Variants in TRABD2B observed in about 807,000 individuals in gnomAD.
The protein encoded by TRABD2B is TraB domain containing 2B, also known as metalloprotease TIKI2.
Under a neutral mutation model 40.1 loss-of-function variants are expected in TRABD2B, and 14 were observed. The ratio of observed to expected loss-of-function variants is 0.35; its 90% CI spans 0.23 to 0.55. TRABD2B has a LOEUF of 0.55. Ranked by LOEUF, TRABD2B falls within the 20% of genes least tolerant of loss-of-function variation. The pLI is 0.90. For missense variants in TRABD2B, 541 were observed against 648.6 expected (o/e 0.83, Z 1.80); for synonymous variants, 263 against 277.0 (o/e 0.95, Z 0.50).
chr1:47,810,232 C>T (rs886986629), intron 2 of TRABD2B, among the ~76,000 whole-genome samples: 1 of 151,774 alleles, frequency 6.6e-6, no homozygotes, highest in African/African-American at 2.4e-5. Context: ...AGAGTTGGGG[C>T]CCTGCTCTGT....
At chr1:47,766,423 G>A (rs1428378315) in intron 6 of TRABD2B, among the ~76,000 whole-genome samples, 1 of 152,120 alleles carries the variant, frequency 6.6e-6, no homozygotes, top group Non-Finnish European at 1.5e-5. Flanking sequence ...GTGTTTTGGG[G>A]AGATAGATCT....
At chr1:47,794,829 G>A (rs1644725895) in intron 3 of TRABD2B, 69 bp from the exon 4 acceptor site, 41 of 1,374,870 alleles carry the variant, frequency 3.0e-5, no homozygotes, top group Non-Finnish European at 3.7e-5. Flanking sequence ...GGGTGTTACT[G>A]TCACCCAGGT....
intron 2 of TRABD2B, among the ~76,000 whole-genome samples, chr1:47,831,140 G>A (rs975856716): frequency 1.3e-5 from 2 of 152,216 alleles, no homozygotes; most frequent in South Asian, 4.1e-4. Flanking sequence ...CCATGGCTGG[G>A]GGGTGCCTAT....
chr1:47,989,522 G>A (rs1557698675), intron 2 of TRABD2B, among the ~76,000 whole-genome samples: 2 of 152,190 alleles, frequency 1.3e-5, no homozygotes, highest in African/African-American at 4.8e-5. Flanking sequence ...CAACTGTGCA[G>A]GCTTAGCCTA....
At chr1:47,933,483 C>T (rs754467982) in intron 2 of TRABD2B, among the ~76,000 whole-genome samples, 16 of 152,150 alleles carry the variant, frequency 1.1e-4, no homozygotes, top group Non-Finnish European at 1.6e-4. Context: ...ACATATGAGA[C>T]TATGAAACAA....
At chr1:47,837,013 G>A (rs961245466) in intron 2 of TRABD2B, among the ~76,000 whole-genome samples, 7 of 152,224 alleles carry the variant, frequency 4.6e-5, no homozygotes, top group African/African-American at 1.4e-4. Context: ...GTCCCCCAAA[G>A]CCTGTCATAG....
intron 3 of TRABD2B, among the ~76,000 whole-genome samples, chr1:47,800,380 G>A (rs562355901): frequency 6.6e-6 from 1 of 152,332 alleles, no homozygotes; most frequent in South Asian, 2.1e-4. Flanking sequence ...GTGAGCCATG[G>A]TCATACCTGG....
intron 6 of TRABD2B, among the ~76,000 whole-genome samples, chr1:47,766,971 G>A (rs1001929314): frequency 1.3e-5 from 2 of 152,186 alleles, no homozygotes; most frequent in East Asian, 1.9e-4. Context: ...CCCAGCACAC[G>A]GTGGCCTTGG....
intron 2 of TRABD2B, among the ~76,000 whole-genome samples, chr1:47,968,363 C>T (rs1230052828): frequency 6.6e-6 from 1 of 152,182 alleles, no homozygotes; most frequent in Admixed American, 6.5e-5. Flanking sequence ...TTTACTCCCC[C>T]TACTACTCAA....
rs1430721053 is a variant in TRABD2B, at chr1:47,996,404, G to T, written c.102+284C>A. ...TATGAGAAAGGAGAGACAAAAAGGG[G>T]CAGAGAGAGAGGAGGCGTCCAAGCA... On this transcript the variant is annotated intron_variant, in intron 1 of 6. Transcript: ENST00000606738. This position sits in a 1 kb window ranked among gnomAD's most constrained non-coding sequence, Gnocchi z 4.6. Among the ~76,000 whole-genome samples the T allele has an allele frequency of 6.6e-6, 1 of 152,170 alleles. No homozygotes were observed. Among genetic ancestry groups the T allele is most frequent in the African/African-American group, 2.4e-5 (1 of 41,460 alleles).
In TRABD2B at chr1:47,892,959, G is replaced by A. The variant is rs1570230554; in HGVS notation, c.667-91340C>T. 5.9e-5 allele frequency among the ~76,000 whole-genome samples: 9 copies of A among 152,204 alleles called. 2 individuals are homozygous for A. In the South Asian group the frequency reaches 1.9e-3, roughly 32 times the overall value. ...ACGAGGGCATCCAGAGGAATAGGAA[G>A]AGGAAAAAAGGTAAGCTGGTGGGGA... is the stretch of plus-strand genomic sequence containing the variant. On this transcript the variant is annotated intron_variant, in intron 2 of 6. Coordinates refer to ENST00000606738, the MANE Select transcript of TRABD2B (RefSeq NM_001194986.2).
rs145498942 is a variant in TRABD2B, at chr1:47,964,536, TTG to T, written c.666+29496_666+29497del. 7.1e-3 allele frequency among the ~76,000 whole-genome samples: 1,088 copies of T among 152,306 alleles called. 21 individuals are homozygous for T. The highest frequency in any genetic ancestry group is 0.025 in the African/African-American group (1,054 of 41,566). Reference sequence around the variant, plus strand: ...CAAACCACATCCCTGTCCCAAATGATTGTGTCAAATTGCCAGTCCAGGCTTCT... The same window carrying T: ...CAAACCACATCCCTGTCCCAAATGATTGTCAAATTGCCAGTCCAGGCTTCT... On this transcript the variant is annotated intron_variant, in intron 2 of 6. Transcript: ENST00000606738.
At chr1:47,776,339 T>G (rs188873280) in intron 5 of TRABD2B, among the ~76,000 whole-genome samples, 425 of 152,142 alleles carry the variant, frequency 2.8e-3, no homozygotes, top group Middle Eastern at 6.8e-3. Context: ...GCAAGTTACT[T>G]AATCATATCA....
intron 6 of TRABD2B, among the ~76,000 whole-genome samples, chr1:47,771,777 T>C (rs752260534): frequency 1.6e-4 from 24 of 152,212 alleles, no homozygotes; most frequent in Non-Finnish European, 2.6e-4. Context: ...GCCCTTTCCA[T>C]GGGTCCCCAT....
At chr1:47,767,994 G>A (rs115420863) in intron 6 of TRABD2B, among the ~76,000 whole-genome samples, 2 of 152,310 alleles carry the variant, frequency 1.3e-5, no homozygotes, top group African/African-American at 4.8e-5. Flanking sequence ...GGAACCCGGG[G>A]CCACCAAGCA....
intron 4 of TRABD2B, among the ~76,000 whole-genome samples, chr1:47,779,199 C>A (rs61785561): frequency 1.3e-5 from 2 of 151,958 alleles, no homozygotes; most frequent in African/African-American, 2.4e-5. Flanking sequence ...CTGTGGAGAA[C>A]GCACTATGGG....
At chr1:47,914,362 C>T (rs1012499351) in intron 2 of TRABD2B, among the ~76,000 whole-genome samples, 2 of 152,216 alleles carry the variant, frequency 1.3e-5, no homozygotes, top group Non-Finnish European at 2.9e-5. Flanking sequence ...AGGGAGTTTC[C>T]TCCCCCTCAG....
At chr1:47,769,554 C>A (rs1220042181) in intron 6 of TRABD2B, among the ~76,000 whole-genome samples, 3 of 152,226 alleles carry the variant, frequency 2.0e-5, no homozygotes, top group Non-Finnish European at 1.5e-5. Flanking sequence ...GCCCCCAGCC[C>A]ACCTCCTGGG....
intron 2 of TRABD2B, among the ~76,000 whole-genome samples, chr1:47,885,623 C>T (rs558755178): frequency 3.3e-5 from 5 of 152,150 alleles, no homozygotes; most frequent in East Asian, 1.9e-4. Flanking sequence ...TGGGTTGAAG[C>T]GGGAGGCAGG....
Sources: gnomAD v4.1 joint callset for allele counts (sites outside exome capture counted in the v4.1 genomes callset) on GRCh38, gnomAD v4.1.1 for gene constraint, Gnocchi (gnomAD v3.1) non-coding constraint, MANE v1.5 for transcripts, NCBI Gene and HGNC (gene_info 2026-07-23, HGNC 2026-07-21) for gene names.